The following PRKN variants were observed in gnomAD, a reference collection of about 807,000 sequenced individuals.
PRKN encodes E3 ubiquitin-protein ligase parkin.
Under a neutral mutation model 59.5 loss-of-function variants are expected in PRKN, and 56 were observed. The ratio of observed to expected loss-of-function variants is 0.94; its 90% CI spans 0.76 to 1.18. PRKN has a LOEUF of 1.18. PRKN is among the 50% of genes most tolerant of loss of function. The pLI is 0.00. For synonymous variants in PRKN, 250 were observed against 222.1 expected (o/e 1.13, Z -1.12); for missense variants, 657 against 596.4 (o/e 1.10, Z -1.06).
At chr6:161,869,715 C>T (rs778056983) in intron 6 of PRKN, among the ~76,000 whole-genome samples, 11 of 152,144 alleles carry the variant, frequency 7.2e-5, no homozygotes, top group Non-Finnish European at 1.3e-4. Context: ...TGGATCCCTC[C>T]TTTGAAAGAG....
intron 1 of PRKN, among the ~76,000 whole-genome samples, chr6:162,458,200 G>A (rs1457653139): frequency 1.7e-4 from 21 of 127,250 alleles, no homozygotes; most frequent in Admixed American, 1.4e-3. Flanking sequence ...AGGTTGCAGT[G>A]AGCCAAGATC....
intron 1 of PRKN, among the ~76,000 whole-genome samples, chr6:162,557,147 A>G (rs562325988): frequency 6.6e-6 from 1 of 152,326 alleles, no homozygotes; most frequent in Admixed American, 6.5e-5. Flanking sequence ...CAATGTGAAC[A>G]TCTCCAATAA....
rs1351725193 is a variant in PRKN, at chr6:161,561,642, C to T, written c.933+7713G>A. Among the ~76,000 whole-genome samples the T allele has an allele frequency of 3.9e-5, 6 of 152,200 alleles. No individual in the cohort carries two copies. Among genetic ancestry groups the T allele is most frequent in the Non-Finnish European group, 7.3e-5 (5 of 68,042 alleles). On this transcript the variant is annotated intron_variant, in intron 8 of 11. Coordinates refer to ENST00000366898, the MANE Select transcript of PRKN (RefSeq NM_004562.3). The surrounding 1 kb of genome is among the most constrained non-coding windows in gnomAD (Gnocchi z 5.0). Reference sequence around the variant, plus strand: ...CCTTCCTCCTGTTAGGGGCCGATTCCTCCCTCTCTGCTGGATCTGAGCCCT... The same window carrying T: ...CCTTCCTCCTGTTAGGGGCCGATTCTTCCCTCTCTGCTGGATCTGAGCCCT...
chr6:161,874,258 T>C (rs1434431508), intron 6 of PRKN, among the ~76,000 whole-genome samples: 154 of 13,288 alleles, frequency 0.012, 41 homozygotes, highest in African/African-American at 0.017. Flanking sequence ...ATATATATTA[T>C]ATGTAAAATA....
intron 7 of PRKN, among the ~76,000 whole-genome samples, chr6:161,616,621 C>T (rs1782706481): frequency 1.3e-5 from 2 of 152,034 alleles, no homozygotes; most frequent in Non-Finnish European, 2.9e-5. Flanking sequence ...TCCATATGTT[C>T]TCACTGTTCA....
chr6:162,479,376 C>A (rs1792182209), intron 1 of PRKN, among the ~76,000 whole-genome samples: 1 of 151,988 alleles, frequency 6.6e-6, no homozygotes, highest in African/African-American at 2.4e-5. Flanking sequence ...CAGGCGCATG[C>A]CAACATCCCC....
chr6:161,930,839 G>GA lies in PRKN; in HGVS notation c.734+42462dup, dbSNP rs148283533. On this transcript the variant is annotated intron_variant, in intron 6 of 11. Coordinates refer to ENST00000366898, the MANE Select transcript of PRKN (RefSeq NM_004562.3). ...GATAGTCAGTGTCAGAGTGACACAA[G>GA]AAAGAGTCCACCGGCTACTGTTGGC... is the stretch of plus-strand genomic sequence containing the variant. Among the ~76,000 whole-genome samples the GA allele has an allele frequency of 3.9e-5, 6 of 152,270 alleles. No individual in the cohort carries two copies. The East Asian group carries it at 1.2e-3, about 30-fold the overall frequency.
chr6:161,583,887 T>C (rs1781433799), intron 7 of PRKN, among the ~76,000 whole-genome samples: 1 of 152,246 alleles, frequency 6.6e-6, no homozygotes, highest in Non-Finnish European at 1.5e-5. Flanking sequence ...TAGACATGCA[T>C]ATTTGCAAAC....
intron 6 of PRKN, among the ~76,000 whole-genome samples, chr6:161,964,124 G>A (rs1313327715): frequency 1.3e-5 from 2 of 152,094 alleles, no homozygotes; most frequent in Non-Finnish European, 2.9e-5. Context: ...AGGGTAAGGT[G>A]TAATGAAAGA....
intron 5 of PRKN, among the ~76,000 whole-genome samples, chr6:162,010,145 T>C (rs117406278): frequency 0.058 from 8,460 of 147,032 alleles, 356 homozygotes; most frequent in Middle Eastern, 0.11. Flanking sequence ...CTCTGGCTCG[T>C]GTTAGCACAG....
At position 161,538,829 on chromosome 6, in the gene PRKN, G is replaced by A. The variant is rs955249529; in HGVS notation, c.1083+10025C>T. Among the ~76,000 whole-genome samples, 6 of 152,148 alleles carry A rather than the reference G, an allele frequency of 3.9e-5. No individual in the cohort carries two copies. Among genetic ancestry groups the A allele is most frequent in the Non-Finnish European group, 7.3e-5 (5 of 68,038 alleles). On this transcript the variant is annotated intron_variant, in intron 9 of 11. Transcript: ENST00000366898. The surrounding 1 kb of genome is among the most constrained non-coding windows in gnomAD (Gnocchi z 4.2). ...ACTGATCGACTTAGCCTTTCCCAGT[G>A]GAATGTTGGACAAGCGAGAGAAATG...
In PRKN at chr6:162,329,901, G is replaced by A. The variant is rs1783496076; in HGVS notation, c.172-67136C>T. 2.6e-5 allele frequency among the ~76,000 whole-genome samples: 4 copies of A among 152,118 alleles called. No homozygotes were observed. In the South Asian group the frequency reaches 8.3e-4, roughly 32 times the overall value. The stretch of plus-strand genomic sequence containing the variant: ...GAAAACAAAAGTTGGAAAACACTGA[G>A]GGATCATCTTGTCGGCCTATCAGAA... On this transcript the variant is annotated intron_variant, in intron 2 of 11. Transcript: ENST00000366898.
chr6:162,105,176 A>T, intron 4 of PRKN, among the ~76,000 whole-genome samples: 1 of 152,172 alleles, frequency 6.6e-6, no homozygotes, highest in Non-Finnish European at 1.5e-5. Flanking sequence ...AAAATCTGAG[A>T]GGTTTTACAA....
At chr6:162,092,373 GA>G (rs59406162) in intron 4 of PRKN, among the ~76,000 whole-genome samples, 14,286 of 151,774 alleles carry the variant, frequency 0.094, 826 homozygotes, top group African/African-American at 0.16. Context: ...ATAAAAAAAT[GA>G]AAAAAAAGTT....
intron 4 of PRKN, among the ~76,000 whole-genome samples, chr6:162,066,753 G>A (rs959576032): frequency 6.6e-6 from 1 of 152,102 alleles, no homozygotes; most frequent in African/African-American, 2.4e-5. Context: ...CTCAGACCCA[G>A]GAATTCTAAT....
At chr6:162,480,321 G>A (rs1439363639) in intron 1 of PRKN, among the ~76,000 whole-genome samples, 1 of 152,122 alleles carries the variant, frequency 6.6e-6, no homozygotes, top group Non-Finnish European at 1.5e-5. Context: ...GACCACCCTT[G>A]CAGATGTGGT....
intron 2 of PRKN, among the ~76,000 whole-genome samples, chr6:162,266,298 TTGTGTGTGTGTGTG>T (rs60841593): frequency 1.3e-3 from 183 of 146,194 alleles, no homozygotes; most frequent in Middle Eastern, 3.5e-3. Context: ...TACATATATA[TTGTGTGTGTGTGTG>T]TGTGTGTGTG....
chr6:161,725,207 G>A lies in PRKN; in HGVS notation c.871+60565C>T, dbSNP rs145302341. Among the ~76,000 whole-genome samples, 20 of 152,212 alleles carry A rather than the reference G, an allele frequency of 1.3e-4. No individual in the cohort carries two copies. The East Asian group carries it at 1.5e-3, about 12-fold the overall frequency. On this transcript the variant is annotated intron_variant, in intron 7 of 11. Coordinates refer to ENST00000366898, the MANE Select transcript of PRKN (RefSeq NM_004562.3). The stretch of plus-strand genomic sequence containing the variant: ...ATAGTAATGCAGGACGGCCTAACAC[G>A]GTGGATAAATGTTCAAATGATTAAA...
chr6:162,568,573 AGG>A, intron 1 of PRKN: 1 of 349,658 alleles, frequency 2.9e-6, no homozygotes, highest in Non-Finnish European at 5.1e-6. Context: ...GTGCAGGAGC[AGG>A]AGAAGGAGAA....
Sources: allele counts gnomAD v4.1 joint callset (sites outside exome capture counted in the v4.1 genomes callset), GRCh38; gene constraint gnomAD v4.1.1; non-coding constraint Gnocchi (gnomAD v3.1); transcripts MANE v1.5; gene names NCBI Gene and HGNC (gene_info 2026-07-23, HGNC 2026-07-21).